Variants in CCSER1 observed in about 807,000 individuals in gnomAD.
The protein encoded by CCSER1 is coiled-coil serine rich protein 1.
CCSER1 carries 41 observed loss-of-function variants against 82.0 expected under a neutral mutation model. The ratio of observed to expected loss-of-function variants is 0.50; its 90% CI spans 0.39 to 0.65. The LOEUF is 0.65. CCSER1 is among the 30% of genes least tolerant of loss of function. CCSER1 has a pLI of 0.00. For synonymous variants in CCSER1, 414 were observed against 383.9 expected, an observed-to-expected ratio of 1.08 and a Z score of -0.92; for missense variants, 1,119 against 1,064.2, an observed-to-expected ratio of 1.05 and a Z score of -0.72.
At chr4:91,448,980 C>G (rs950522519) in intron 10 of CCSER1, among the ~76,000 whole-genome samples, 3 of 151,994 alleles carry the variant, frequency 2.0e-5, no homozygotes, top group Non-Finnish European at 4.4e-5. Flanking sequence ...GTATGGTTTA[C>G]TGTTTTACAT....
In CCSER1 at chr4:91,433,390, G is replaced by A. The variant is rs183316667; in HGVS notation, c.2218-165182G>A. On this transcript the variant is annotated intron_variant, in intron 10 of 10. Transcript: ENST00000509176. ...GCGTACAGTGTTTATAAAGTCTACAGTAGTGTACAGTAATTTCCTAGGCCT... is the reference window on the plus strand; with the variant it reads ...GCGTACAGTGTTTATAAAGTCTACAATAGTGTACAGTAATTTCCTAGGCCT... Among the ~76,000 whole-genome samples the A allele has an allele frequency of 1.8e-4, 27 of 152,276 alleles. 2 individuals carry two copies. The highest frequency in any genetic ancestry group is 1.7e-3 in the Admixed American group (26 of 15,288).
intron 10 of CCSER1, among the ~76,000 whole-genome samples, chr4:91,156,946 C>T (rs10010350): frequency 6.6e-6 from 1 of 151,770 alleles, no homozygotes; most frequent in South Asian, 2.1e-4. Context: ...AGAAATCCTT[C>T]CATCTCTATA....
chr4:90,704,422 C>T (rs13123686), intron 6 of CCSER1, among the ~76,000 whole-genome samples: 2 of 152,110 alleles, frequency 1.3e-5, no homozygotes, highest in African/African-American at 4.8e-5. Context: ...TCCTTCATTT[C>T]AACTTTGGTG....
At chr4:91,180,868 T>C (rs766137012) in intron 10 of CCSER1, among the ~76,000 whole-genome samples, 18 of 152,236 alleles carry the variant, frequency 1.2e-4, no homozygotes, top group Non-Finnish European at 2.4e-4. Flanking sequence ...GCATTGTTTC[T>C]ATAGATATTA....
intron 1 of CCSER1, among the ~76,000 whole-genome samples, chr4:90,234,204 C>G (rs1050065596): frequency 5.9e-5 from 9 of 151,400 alleles, no homozygotes; most frequent in African/African-American, 2.2e-4. Context: ...GTACCTCAGC[C>G]TCTCTTATTC....
At chr4:90,896,269 T>C (rs1723698393) in intron 8 of CCSER1, among the ~76,000 whole-genome samples, 1 of 151,932 alleles carries the variant, frequency 6.6e-6, no homozygotes, top group African/African-American at 2.4e-5. Context: ...TATTATGACA[T>C]ATCTAAGTGG....
chr4:90,666,562 A>G (rs753601938), intron 6 of CCSER1, among the ~76,000 whole-genome samples: 2 of 152,214 alleles, frequency 1.3e-5, no homozygotes, highest in Non-Finnish European at 2.9e-5. Flanking sequence ...AGAGGATGAT[A>G]CCAGCATGAG....
At chr4:91,366,480 A>G (rs1365705303) in intron 10 of CCSER1, among the ~76,000 whole-genome samples, 1 of 152,036 alleles carries the variant, frequency 6.6e-6, no homozygotes, top group African/African-American at 2.4e-5. Context: ...AATTTTTAAT[A>G]TCATCAAATA....
intron 4 of CCSER1, among the ~76,000 whole-genome samples, chr4:90,405,641 C>G (rs1192510214): frequency 6.6e-6 from 1 of 152,216 alleles, no homozygotes; most frequent in Middle Eastern, 3.4e-3. Context: ...AAATGAAAAC[C>G]TATCAGATTA....
At chr4:91,413,530 A>AAATT (rs1682540999) in intron 10 of CCSER1, among the ~76,000 whole-genome samples, 1 of 152,018 alleles carries the variant, frequency 6.6e-6, no homozygotes, top group South Asian at 2.1e-4. Flanking sequence ...AGAATGAAAA[A>AAATT]AATTAAAACA....
chr4:90,931,311 T>C (rs552536702), intron 9 of CCSER1, among the ~76,000 whole-genome samples: 5 of 151,980 alleles, frequency 3.3e-5, no homozygotes, highest in Non-Finnish European at 2.9e-5. Context: ...TTACTGGGAA[T>C]CATCTCTTAC....
chr4:91,081,293 A>G (rs1581504103), intron 9 of CCSER1, among the ~76,000 whole-genome samples: 1 of 152,318 alleles, frequency 6.6e-6, no homozygotes, highest in African/African-American at 2.4e-5. Context: ...TGTAAACAGA[A>G]CCAAAGACAA....
chr4:90,815,482 C>T (rs1758877801), intron 7 of CCSER1, among the ~76,000 whole-genome samples: 1 of 150,782 alleles, frequency 6.6e-6, no homozygotes, highest in South Asian at 2.1e-4. Context: ...AGAGGAATAC[C>T]AAAAACAAAA....
chr4:91,209,742 G>A (rs1341414103), intron 10 of CCSER1, among the ~76,000 whole-genome samples: 1 of 151,702 alleles, frequency 6.6e-6, no homozygotes, highest in African/African-American at 2.4e-5. Flanking sequence ...GAATTGGGGA[G>A]GAGTCAATTT....
At position 90,810,132 on chromosome 4, in the gene CCSER1, CT is replaced by C. The variant is rs1413467354; in HGVS notation, c.2011-5623del. 1.7e-4 allele frequency among the ~76,000 whole-genome samples: 26 copies of C among 152,068 alleles called. No homozygotes were observed. The South Asian group carries it at 2.5e-3, about 15-fold the overall frequency. ...AAAAAAACATGAATTTGAGCATCTT[CT>C]TTTTTTCAAATAGAGATGGTGTTTC... On this transcript the variant is annotated intron_variant, in intron 7 of 10. Coordinates refer to ENST00000509176, the MANE Select transcript of CCSER1 (RefSeq NM_001145065.2).
intron 1 of CCSER1, among the ~76,000 whole-genome samples, chr4:90,211,314 AC>A (rs747015760): frequency 1.3e-5 from 2 of 152,174 alleles, no homozygotes; most frequent in Non-Finnish European, 2.9e-5. Context: ...TCATATCTCT[AC>A]CTTCATTGTC....
chr4:90,987,203 C>G (rs892641765), intron 9 of CCSER1, among the ~76,000 whole-genome samples: 18 of 150,962 alleles, frequency 1.2e-4, no homozygotes, highest in African/African-American at 4.4e-4. Context: ...ATCTGTTTTT[C>G]AAGTCAAGTA....
intron 10 of CCSER1, among the ~76,000 whole-genome samples, chr4:91,399,165 G>A (rs1268819285): frequency 1.3e-5 from 2 of 151,808 alleles, no homozygotes; most frequent in African/African-American, 2.4e-5. Context: ...AGGATAGGCA[G>A]CAATTCTCAA....
chr4:90,422,555 A>T (rs1386505590), intron 4 of CCSER1, among the ~76,000 whole-genome samples: 1 of 151,930 alleles, frequency 6.6e-6, no homozygotes, highest in Non-Finnish European at 1.5e-5. Context: ...TGATTGCACC[A>T]CTGCACTCCA....
Sources: gnomAD v4.1 joint callset for allele counts (sites outside exome capture counted in the v4.1 genomes callset) on GRCh38, gnomAD v4.1.1 for gene constraint, MANE v1.5 for transcripts, NCBI Gene and HGNC (gene_info 2026-07-23, HGNC 2026-07-21) for gene names.